IRF2: variants seen among roughly 807,000 people sequenced by gnomAD.
IRF2 encodes the protein interferon regulatory factor 2.
A neutral mutation model predicts 40.6 loss-of-function variants in IRF2; 15 were observed. That is an observed-to-expected ratio of 0.37 (90% CI 0.25 to 0.57). IRF2 has a LOEUF of 0.57. Among genes scored for constraint, IRF2 ranks in the 20% least tolerant of loss-of-function variants. IRF2 has a pLI of 0.77. For synonymous variants in IRF2, 151 were observed against 165.5 expected (o/e 0.91, Z 0.67); for missense variants, 317 against 455.7 (o/e 0.70, Z 2.77).
At chr4:184,424,051 G>A (rs1737579208) in intron 2 of IRF2, among the ~76,000 whole-genome samples, 1 of 110,878 alleles carries the variant, frequency 9.0e-6, no homozygotes. Flanking sequence ...TAATATACCA[G>A]ATACACACAG....
chr4:184,451,603 G>A (rs953096202), intron 1 of IRF2, among the ~76,000 whole-genome samples: 1 of 152,094 alleles, frequency 6.6e-6, no homozygotes, highest in African/African-American at 2.4e-5. Flanking sequence ...ATCTTCAGGG[G>A]TATTCTTGGT....
chr4:184,423,192 T>A (rs1475656139), intron 2 of IRF2, among the ~76,000 whole-genome samples: 1 of 152,102 alleles, frequency 6.6e-6, no homozygotes, highest in Non-Finnish European at 1.5e-5. Flanking sequence ...GACGTCAGTA[T>A]GTGCCAGGTG....
intron 8 of IRF2, among the ~76,000 whole-genome samples, 175 bp downstream of exon 8, chr4:184,390,528 C>A (rs1271186979): frequency 2.6e-5 from 4 of 152,308 alleles, no homozygotes; most frequent in South Asian, 2.1e-4. Flanking sequence ...AATTTTATAA[C>A]CCCAAACCCA....
chr4:184,451,788 A>C (rs562775873), intron 1 of IRF2, among the ~76,000 whole-genome samples: 1 of 152,270 alleles, frequency 6.6e-6, no homozygotes, highest in East Asian at 1.9e-4. Context: ...ACAGATCAGA[A>C]AGAAAACACA....
At position 184,408,418 on chromosome 4, in the gene IRF2, T is replaced by C; in HGVS notation, c.412-143A>G. Reference sequence around the variant, plus strand: ...CGAATACATTCATCCCCTGCTTCTTTAAACTGGCCTGTTTTAAAGCACATT... The same window carrying C: ...CGAATACATTCATCCCCTGCTTCTTCAAACTGGCCTGTTTTAAAGCACATT... On this transcript the variant is annotated intron_variant, in intron 5 of 8. Transcript: ENST00000393593. This position sits in a 1 kb window ranked among gnomAD's most constrained non-coding sequence, Gnocchi z 4.9. 1 of 665,448 alleles carries C rather than the reference T, an allele frequency of 1.5e-6. No individual in the cohort carries two copies. The highest frequency in any genetic ancestry group is 2.7e-6 in the Non-Finnish European group (1 of 373,474). 41.2% of individuals were successfully genotyped at this position (665,448 alleles called of 1,614,324 possible).
At chr4:184,412,272 C>G (rs866648085) in intron 5 of IRF2, among the ~76,000 whole-genome samples, 1 of 152,124 alleles carries the variant, frequency 6.6e-6, no homozygotes, top group Non-Finnish European at 1.5e-5. Flanking sequence ...GAGCACACTT[C>G]TTTAGACCTG....
At chr4:184,392,649 A>T (rs1736299625) in intron 7 of IRF2, among the ~76,000 whole-genome samples, 1 of 152,206 alleles carries the variant, frequency 6.6e-6, no homozygotes, top group African/African-American at 2.4e-5. Flanking sequence ...CCTTTCTTCC[A>T]CTGAGAGCAT....
At chr4:184,471,772 T>C (rs1218006295) in intron 1 of IRF2, among the ~76,000 whole-genome samples, 1 of 152,234 alleles carries the variant, frequency 6.6e-6, no homozygotes, top group Non-Finnish European at 1.5e-5. Context: ...CCATTGTTCA[T>C]AAGGCTGTCA....
intron 2 of IRF2, among the ~76,000 whole-genome samples, chr4:184,421,708 T>A (rs889870848): frequency 6.6e-6 from 1 of 152,078 alleles, no homozygotes; most frequent in South Asian, 2.1e-4. Context: ...TTTTTAAGCA[T>A]CTGCACGCAT....
intron 3 of IRF2, among the ~76,000 whole-genome samples, chr4:184,419,253 T>C (rs28742028): frequency 0.011 from 1,681 of 152,184 alleles, 42 homozygotes; most frequent in African/African-American, 0.038. Context: ...ACCACATTTA[T>C]AGGAAATTGA....
Position 184,474,467 on chromosome 4 carries a change from A to C in IRF2, c.-95T>G, listed in dbSNP as rs1739649882. Reference sequence around the variant, plus strand: ...TGTGAAATGGAAATGAAAGCCCGTCAGTTGAATAATCGCAGGAGCAAAACT... The same window carrying C: ...TGTGAAATGGAAATGAAAGCCCGTCCGTTGAATAATCGCAGGAGCAAAACT... On this transcript the variant is annotated 5_prime_UTR_variant, in exon 1 of 9. Coordinates refer to ENST00000393593, the MANE Select transcript of IRF2 (RefSeq NM_002199.4). The surrounding 1 kb of genome is among the most constrained non-coding windows in gnomAD (Gnocchi z 5.6). 6.6e-6 allele frequency: 1 copy of C among 152,324 alleles called. No individual in the cohort carries two copies. The highest frequency in any genetic ancestry group is 2.4e-5 in the African/African-American group (1 of 41,470). The allele number at this position is 152,324 out of a possible 1,614,324, so 9.4% of individuals were successfully genotyped here.
chr4:184,451,115 T>A (rs531925905), intron 1 of IRF2, among the ~76,000 whole-genome samples: 1 of 152,346 alleles, frequency 6.6e-6, no homozygotes, highest in African/African-American at 2.4e-5. Context: ...CTGAACTGTT[T>A]AGATTCCATG....
At chr4:184,392,841 C>T (rs72701787) in intron 7 of IRF2, among the ~76,000 whole-genome samples, 1 of 152,092 alleles carries the variant, frequency 6.6e-6, no homozygotes, top group African/African-American at 2.4e-5. Flanking sequence ...TGAGTGATCG[C>T]GGTGGGCTGG....
intron 1 of IRF2, among the ~76,000 whole-genome samples, chr4:184,440,793 C>T (rs1223650741): frequency 6.6e-6 from 1 of 152,210 alleles, no homozygotes; most frequent in Admixed American, 6.5e-5. Flanking sequence ...TTGGGTGTGA[C>T]CTTTTTCCCT....
At chr4:184,412,641 G>A (rs888881104) in intron 5 of IRF2, among the ~76,000 whole-genome samples, 5 of 152,208 alleles carry the variant, frequency 3.3e-5, no homozygotes, top group African/African-American at 7.2e-5. Context: ...GCACAGAGGC[G>A]CAATGCCACT....
intron 5 of IRF2, among the ~76,000 whole-genome samples, chr4:184,412,235 C>G (rs1208495311): frequency 6.6e-6 from 1 of 152,160 alleles, no homozygotes; most frequent in Non-Finnish European, 1.5e-5. Flanking sequence ...CAAAAGCAAA[C>G]TGGCACAAGA....
chr4:184,401,062 T>C (rs1365995900), intron 6 of IRF2, among the ~76,000 whole-genome samples: 2 of 152,256 alleles, frequency 1.3e-5, no homozygotes, highest in African/African-American at 4.8e-5. Flanking sequence ...GAGAGTGACT[T>C]GTCCAGACTC....
In IRF2 at chr4:184,404,455, C is replaced by T. The variant is rs371022505; in HGVS notation, c.529+3703G>A. 7.6e-4 allele frequency among the ~76,000 whole-genome samples: 116 copies of T among 152,316 alleles called. 1 individual carries two copies. Among genetic ancestry groups the T allele is most frequent in the African/African-American group, 2.6e-3 (110 of 41,568 alleles). ...CAGAGTGATTTATCTGTACATTTCACTTCATCCTCACAATAACTCTGCGAG... is the reference window on the plus strand; with the variant it reads ...CAGAGTGATTTATCTGTACATTTCATTTCATCCTCACAATAACTCTGCGAG... On this transcript the variant is annotated intron_variant, in intron 6 of 8. Coordinates refer to ENST00000393593, the MANE Select transcript of IRF2 (RefSeq NM_002199.4).
intron 6 of IRF2, 97 bp from the exon 7 acceptor site, chr4:184,399,176 C>T (rs1374645553): frequency 3.8e-6 from 5 of 1,302,962 alleles, no homozygotes; most frequent in Non-Finnish European, 5.2e-6. Flanking sequence ...GCCAGGTCGC[C>T]AGGCTCCCAT....
Sources: allele counts gnomAD v4.1 joint callset (sites outside exome capture counted in the v4.1 genomes callset), GRCh38; gene constraint gnomAD v4.1.1; non-coding constraint Gnocchi (gnomAD v3.1); transcripts MANE v1.5; gene names NCBI Gene and HGNC (gene_info 2026-07-23, HGNC 2026-07-21).